VWF: variants seen among roughly 807,000 people sequenced by gnomAD.
The protein encoded by VWF is Factor VIII related antigen.
Under a neutral mutation model 308.6 loss-of-function variants are expected in VWF, and 176 were observed. The observed-to-expected ratio is 0.57, with a 90% confidence interval of 0.50 to 0.65. VWF has a LOEUF of 0.65. Ranked by LOEUF, VWF falls within the 30% of genes least tolerant of loss-of-function variation. VWF has a pLI of 0.00. For missense variants in VWF, 3,146 were observed against 3,648.2 expected (o/e 0.86, Z 3.55); for synonymous variants, 1,385 against 1,443.4 (o/e 0.96, Z 0.92).
chr12:6,086,904 T>C (rs1944978753), intron 6 of VWF, among the ~76,000 whole-genome samples: 1 of 152,178 alleles, frequency 6.6e-6, no homozygotes, highest in Admixed American at 6.5e-5. Flanking sequence ...AACATGACTG[T>C]TTAAAATGTT....
At chr12:6,109,893 G>A (rs186925910) in intron 5 of VWF, among the ~76,000 whole-genome samples, 9 of 152,246 alleles carry the variant, frequency 5.9e-5, no homozygotes, top group Non-Finnish European at 8.8e-5. Context: ...CTCATGATCC[G>A]CCTGCCTCGG....
rs1274225503 is a variant in VWF at position 6,075,544 on chromosome 12, C to A, written c.665G>T (p.Trp222Leu). The part of the protein sequence containing the change: ...ISSGEMQKGL[W>L]EQCQLLKSTS... ...GCTCTTCAGAAGCTGGCACTGCTCC[C>A]ACAGGCCCTGCAGGAAGAGGGGCCG... The change falls in exon 7 of 52, where the codon TGG becomes TTG. Residue 222 changes from tryptophan to leucine, a missense_variant. Transcript: ENST00000261405. The surrounding 1 kb of genome is among the most constrained non-coding windows in gnomAD (Gnocchi z 4.7). 3 of 1,613,676 alleles carry A rather than the reference C, an allele frequency of 1.9e-6. No homozygotes were observed. Among genetic ancestry groups the A allele is most frequent in the Middle Eastern group, 1.6e-4 (1 of 6,062 alleles).
At chr12:6,081,869 A>C (rs554118226) in intron 6 of VWF, among the ~76,000 whole-genome samples, 6 of 152,242 alleles carry the variant, frequency 3.9e-5, no homozygotes, top group Non-Finnish European at 8.8e-5. Context: ...ATGTATCTGA[A>C]GCCAGACAGC....
chr12:5,961,599 A>AAC (rs1943317209), intron 47 of VWF, among the ~76,000 whole-genome samples: 1 of 151,944 alleles, frequency 6.6e-6, no homozygotes, highest in African/African-American at 2.4e-5. Context: ...CAAAAAAAAA[A>AAC]AAAAAACACT....
intron 2 of VWF, among the ~76,000 whole-genome samples, chr12:6,121,936 AAAAAAGAAAAAG>A (rs922421405): frequency 1.3e-5 from 2 of 152,134 alleles, no homozygotes; most frequent in African/African-American, 4.8e-5. Flanking sequence ...GTCTCGAAAA[AAAAAAGAAAAAG>A]AAAAAGAAAA....
intron 6 of VWF, among the ~76,000 whole-genome samples, chr12:6,094,775 C>T (rs1403440711): frequency 2.0e-5 from 3 of 151,702 alleles, no homozygotes; most frequent in African/African-American, 4.8e-5. Flanking sequence ...TGCAGTGGCA[C>T]GATCTCAGTT....
chr12:6,033,643 T>A (rs1386828492), intron 20 of VWF, among the ~76,000 whole-genome samples: 1 of 152,234 alleles, frequency 6.6e-6, no homozygotes, highest in East Asian at 1.9e-4. Context: ...CTGGTCTGCA[T>A]GCCCTGTGTC....
intron 6 of VWF, among the ~76,000 whole-genome samples, chr12:6,092,622 T>TGAGAGTGAGAGTGAGAGAGAGAGAGTGA (rs1403649370): frequency 2.2e-5 from 2 of 91,492 alleles, no homozygotes; most frequent in African/African-American, 1.1e-4. Context: ...AGTGAGAGTG[T>TGAGAGTGAGAGTGAGAGAGAGAGAGTGA]GTGTGTGTGT....
intron 18 of VWF, among the ~76,000 whole-genome samples, chr12:6,037,736 G>T (rs1944353938): frequency 6.6e-6 from 1 of 152,164 alleles, no homozygotes; most frequent in African/African-American, 2.4e-5. Flanking sequence ...TGCAGGGCGA[G>T]AAGCTCCTGG....
intron 6 of VWF, among the ~76,000 whole-genome samples, chr12:6,094,308 C>T (rs1338598457): frequency 6.6e-6 from 1 of 152,220 alleles, no homozygotes; most frequent in Non-Finnish European, 1.5e-5. Context: ...TCAGGCACAG[C>T]CTCTCACTCA....
At chr12:5,974,762 G>C (rs1253968461) in intron 43 of VWF, among the ~76,000 whole-genome samples, 2 of 152,232 alleles carry the variant, frequency 1.3e-5, no homozygotes, top group Non-Finnish European at 1.5e-5. Flanking sequence ...CAGACGGACA[G>C]AAATACCGGC....
intron 34 of VWF, among the ~76,000 whole-genome samples, chr12:5,998,072 A>C (rs1800945818): frequency 6.6e-6 from 1 of 152,172 alleles, no homozygotes; most frequent in African/African-American, 2.4e-5. Flanking sequence ...TTGTGATTGA[A>C]TATTATATTA....
chr12:6,088,295 G>A (rs1417718634), intron 6 of VWF, among the ~76,000 whole-genome samples: 2 of 151,866 alleles, frequency 1.3e-5, no homozygotes, highest in Non-Finnish European at 2.9e-5. Flanking sequence ...TGGCTAACAC[G>A]GTGAAAACCC....
chr12:6,035,388 T>C (rs1944324462), intron 19 of VWF, among the ~76,000 whole-genome samples: 1 of 152,168 alleles, frequency 6.6e-6, no homozygotes, highest in African/African-American at 2.4e-5. Context: ...CACTGCCACG[T>C]GTCCCTCCCT....
Position 6,063,799 on chromosome 12 carries a change from G to C in VWF, c.1432+447C>G, listed in dbSNP as rs1427798617. Among the ~76,000 whole-genome samples the C allele has an allele frequency of 2.6e-5, 4 of 152,092 alleles. No homozygotes were observed. Among genetic ancestry groups the C allele is most frequent in the African/African-American group, 9.7e-5 (4 of 41,400 alleles). ...ACAGGTAGGTTTTTTGCTACCTCTA[G>C]ACAGGCCAGAGGGTCACCTGGCCTC... On this transcript the variant is annotated intron_variant, in intron 12 of 51. Coordinates refer to ENST00000261405, the MANE Select transcript of VWF (RefSeq NM_000552.5). This position sits in a 1 kb window ranked among gnomAD's most constrained non-coding sequence, Gnocchi z 4.9.
At chr12:6,038,445 C>T (rs216334) in intron 18 of VWF, among the ~76,000 whole-genome samples, 106,763 of 152,090 alleles carry the variant, frequency 0.7, 37,713 homozygotes, top group East Asian at 0.79. Flanking sequence ...GCAGGCCGGG[C>T]TGGGGGCTCC....
At chr12:6,084,887 G>A (rs1246691557) in intron 6 of VWF, among the ~76,000 whole-genome samples, 1 of 152,134 alleles carries the variant, frequency 6.6e-6, no homozygotes, top group African/African-American at 2.4e-5. Flanking sequence ...GGGGAGGGTA[G>A]CTGATTCTAT....
chr12:6,089,331 G>C (rs1009935514), intron 6 of VWF, among the ~76,000 whole-genome samples: 2 of 152,192 alleles, frequency 1.3e-5, no homozygotes, highest in African/African-American at 4.8e-5. Flanking sequence ...ACCTGAAACC[G>C]GGAGTTCTGA....
rs572236291 is a variant in VWF at position 6,058,081 on chromosome 12, G to C, written c.1534-37C>G. ...ACCAGGCCACTCTGGAGCCGCTGCC[G>C]CGAAAGCAGCGGCATAGTTGTTTAG... On this transcript the variant is annotated intron_variant, in intron 13 of 51. Transcript: ENST00000261405. The surrounding 1 kb of genome is among the most constrained non-coding windows in gnomAD (Gnocchi z 4.9). The C allele has an allele frequency of 9.3e-6, 15 of 1,609,304 alleles. No individual in the cohort carries two copies. Among genetic ancestry groups the C allele is most frequent in the Non-Finnish European group, 1.2e-5 (14 of 1,177,446 alleles).
Sources: gnomAD v4.1 joint callset for allele counts (sites outside exome capture counted in the v4.1 genomes callset) on GRCh38, gnomAD v4.1.1 for gene constraint, Gnocchi (gnomAD v3.1) non-coding constraint, MANE v1.5 for transcripts, NCBI Gene and HGNC (gene_info 2026-07-23, HGNC 2026-07-21) for gene names.